GPR173: variants seen among roughly 807,000 people sequenced by gnomAD.
GPR173 encodes the protein G protein-coupled receptor 173.
A neutral mutation model predicts 13.9 loss-of-function variants in GPR173; 2 were observed. That is an observed-to-expected ratio of 0.14 (90% CI 0.06 to 0.45). The LOEUF is 0.45. GPR173 is among the 20% of genes least tolerant of loss of function. The pLI is 0.98. For synonymous variants in GPR173, 131 were observed against 141.0 expected (o/e 0.93, Z 0.50); for missense variants, 202 against 340.5 (o/e 0.59, Z 3.20).
intron 1 of GPR173, among the ~76,000 whole-genome samples, chrX:53,066,187 C>T (rs1932181630): frequency 9.0e-6 from 1 of 111,654 alleles, no homozygotes; most frequent in Admixed American, 9.6e-5. Flanking sequence ...TGAAGCTTTT[C>T]CCCTAAGTGA....
chrX:53,057,190 G>A (rs992398839), intron 1 of GPR173, among the ~76,000 whole-genome samples: 3 of 111,372 alleles, frequency 2.7e-5, no homozygotes, highest in Admixed American at 9.6e-5. Context: ...GCTGAGGCAG[G>A]CAGATCACTT....
intron 1 of GPR173, among the ~76,000 whole-genome samples, chrX:53,075,139 C>T (rs782248581): frequency 1.8e-5 from 2 of 108,152 alleles, no homozygotes; most frequent in East Asian, 5.7e-4. Flanking sequence ...GTTCCACCCA[C>T]AGTGGCTTCC....
intron 1 of GPR173, among the ~76,000 whole-genome samples, chrX:53,071,423 T>A (rs1932255976): frequency 8.9e-6 from 1 of 112,416 alleles, no homozygotes; most frequent in South Asian, 3.6e-4. Flanking sequence ...CAAACCAAAG[T>A]GCAGCCTCCT....
At chrX:53,062,781 G>A (rs782629756) in intron 1 of GPR173, among the ~76,000 whole-genome samples, 5 of 108,920 alleles carry the variant, frequency 4.6e-5, no homozygotes, top group African/African-American at 1.3e-4. Flanking sequence ...GGGCTCAAGC[G>A]ATCCACCCAC....
chrX:53,074,137 C>A (rs1932351159), intron 1 of GPR173, among the ~76,000 whole-genome samples: 1 of 95,129 alleles, frequency 1.1e-5, no homozygotes, highest in Non-Finnish European at 1.9e-5. Flanking sequence ...TATAAATATA[C>A]ATGTATATTT....
At chrX:53,052,864 ATG>A (rs72356270) in intron 1 of GPR173, among the ~76,000 whole-genome samples, 31,793 of 107,263 alleles carry the variant, frequency 0.3, 4,539 homozygotes, top group African/African-American at 0.58. Context: ...GTGTGTGAGG[ATG>A]TGTGTGTGTC....
chrX:53,073,094 G>C (rs1057399550), intron 1 of GPR173, among the ~76,000 whole-genome samples: 2 of 110,178 alleles, frequency 1.8e-5, no homozygotes, highest in Admixed American at 9.8e-5. Context: ...GTGGTGGTGC[G>C]TGTGCTTGTA....
At position 53,050,676 on chromosome X, in the gene GPR173, C is replaced by T. The variant is rs781879459; in HGVS notation, c.-98+1192C>T. Among the ~76,000 whole-genome samples the T allele has an allele frequency of 5.4e-5, 6 of 112,129 alleles. No individual in the cohort carries two copies. The South Asian group carries it at 2.2e-3, about 42-fold the overall frequency. On this transcript the variant is annotated intron_variant, in intron 1 of 1. Coordinates refer to ENST00000332582, the MANE Select transcript of GPR173 (RefSeq NM_018969.6). Reference sequence around the variant, plus strand: ...GCAAAGCTCACAGTCAATATTGTTGCTGATTATTCATGATTAATAGTGTTA... The same window carrying T: ...GCAAAGCTCACAGTCAATATTGTTGTTGATTATTCATGATTAATAGTGTTA...
chrX:53,066,724 C>CATT (rs201315993), intron 1 of GPR173, among the ~76,000 whole-genome samples: 2 of 107,503 alleles, frequency 1.9e-5, no homozygotes, highest in African/African-American at 3.5e-5. Flanking sequence ...TCTTTTACCT[C>CATT]ATTATTATTA....
intron 1 of GPR173, among the ~76,000 whole-genome samples, chrX:53,073,516 A>T (rs993088030): frequency 9.1e-6 from 1 of 109,401 alleles, no homozygotes; most frequent in Non-Finnish European, 1.9e-5. Context: ...TCACCACCAG[A>T]TGTACCCCCC....
chrX:53,060,926 C>T (rs999227977), intron 1 of GPR173, among the ~76,000 whole-genome samples: 1 of 27,668 alleles, frequency 3.6e-5, no homozygotes, highest in Admixed American at 4.2e-4. Flanking sequence ...CAGTCTCAGA[C>T]TGTACAGACA....
At chrX:53,057,250 CTACTAAAAA>C (rs1437184374) in intron 1 of GPR173, among the ~76,000 whole-genome samples, 1 of 109,278 alleles carries the variant, frequency 9.2e-6, no homozygotes, top group Non-Finnish European at 1.9e-5. Flanking sequence ...AACCCTGTCT[CTACTAAAAA>C]TACAAAAATT....
intron 1 of GPR173, among the ~76,000 whole-genome samples, chrX:53,055,243 A>AGTTT (rs1271605860): frequency 9.1e-6 from 1 of 109,299 alleles, no homozygotes; most frequent in Non-Finnish European, 1.9e-5. Context: ...GAGGTGTGAG[A>AGTTT]GTTTGGGTTT....
At position 53,076,679 on chromosome X, in the gene GPR173, G is replaced by C. The variant is rs781841578; in HGVS notation, c.58G>C (p.Ala20Pro). The stretch of plus-strand genomic sequence containing the variant: ...GAGCGGCGCTCTGTCCCCACCGTCC[G>C]CATCAGCTTATGTGAAGCTGGTACT... ...EVSGALSPPS[A>P]SAYVKLVLLG... The change falls in exon 2 of 2, where the codon GCA (alanine) becomes CCA (proline). Residue 20 changes from alanine (A) to proline (P), a missense_variant. This residue lies in a region of GPR173 where 98 missense variants were observed against 137.2 expected (regional missense o/e 0.71). Transcript: ENST00000332582. 1.7e-6 allele frequency: 2 copies of C among 1,205,576 alleles called. No homozygotes were observed. The highest frequency in any genetic ancestry group is 2.2e-5 in the Admixed American group (1 of 45,724).
At chrX:53,066,914 A>G (rs1556804277) in intron 1 of GPR173, among the ~76,000 whole-genome samples, 1 of 111,371 alleles carries the variant, frequency 9.0e-6, no homozygotes, top group African/African-American at 3.3e-5. Context: ...CTTACAGGTG[A>G]GGGCTCCTCA....
rs1932470276 is a variant in GPR173 at position 53,078,080 on chromosome X, G to A, written c.*337G>A. On this transcript the variant is annotated 3_prime_UTR_variant, in exon 2 of 2. Coordinates refer to ENST00000332582, the MANE Select transcript of GPR173 (RefSeq NM_018969.6). ...CAATTCAGAAAAAGAAAAGAACACT[G>A]AGAATGCAGGTTTTTCTACTAACAG... 4.0e-6 allele frequency: 1 copy of A among 251,300 alleles called. No homozygotes were observed. Among genetic ancestry groups the A allele is most frequent in the African/African-American group, 2.9e-5 (1 of 35,013 alleles). 20.7% of individuals were successfully genotyped at this position (251,300 alleles called of 1,213,427 possible).
chrX:53,067,214 C>G (rs1932194714), intron 1 of GPR173, among the ~76,000 whole-genome samples: 1 of 111,428 alleles, frequency 9.0e-6, no homozygotes, highest in Admixed American at 9.6e-5. Flanking sequence ...AGTGTATCTC[C>G]TAACAGCAAT....
Position 53,077,299 on chromosome X carries a change from C to T in GPR173, c.678C>T (p.Ile226=), listed in dbSNP as rs781965916. 1.0e-5 allele frequency: 12 copies of T among 1,189,923 alleles called. No homozygotes were observed. The highest frequency in any genetic ancestry group is 1.4e-5 in the Non-Finnish European group (12 of 883,797). Reference sequence around the variant, plus strand: ...AGCCAGTGCAGATGGTGCCAGCCATCAGCCAGAACTGGACATTCCATGGTC... The same window carrying T: ...AGCCAGTGCAGATGGTGCCAGCCATTAGCCAGAACTGGACATTCCATGGTC... ...KMKPVQMVPA[I]SQNWTFHGPG... The change falls in exon 2 of 2, where the codon ATC becomes ATT. Residue 226 remains isoleucine, a synonymous_variant. Transcript: ENST00000332582.
intron 1 of GPR173, among the ~76,000 whole-genome samples, chrX:53,075,310 T>C (rs1932415562): frequency 9.3e-6 from 1 of 107,076 alleles, no homozygotes; most frequent in Non-Finnish European, 1.9e-5. Context: ...AAGCCTCCCC[T>C]GTCCACCTCA....
Sources: allele counts gnomAD v4.1 joint callset (sites outside exome capture counted in the v4.1 genomes callset), GRCh38; gene constraint gnomAD v4.1.1; regional missense constraint gnomAD v4.1.1; transcripts MANE v1.5; gene names NCBI Gene and HGNC (gene_info 2026-07-23, HGNC 2026-07-21).